SPEF2: variants seen among roughly 807,000 people sequenced by gnomAD.
The protein encoded by SPEF2 is sperm flagellar and cilia associated 2, also known as sperm flagella and cilia-associated protein 2.
A neutral mutation model predicts 224.6 loss-of-function variants in SPEF2; 187 were observed. That is an observed-to-expected ratio of 0.83 (90% CI 0.74 to 0.94). The LOEUF (loss-of-function observed/expected upper bound fraction) is 0.94. SPEF2 is among the 40% of genes least tolerant of loss of function. SPEF2 has a pLI of 0.00. For missense variants in SPEF2, 2,170 were observed against 2,135.6 expected, an observed-to-expected ratio of 1.02 and a Z score of -0.32; for synonymous variants, 715 against 707.3, an observed-to-expected ratio of 1.01 and a Z score of -0.17.
intron 21 of SPEF2, among the ~76,000 whole-genome samples, chr5:35,731,294 T>C (rs940367934): frequency 5.3e-5 from 8 of 152,174 alleles, no homozygotes; most frequent in African/African-American, 1.4e-4. Flanking sequence ...GAATCAGTCA[T>C]GAAGTCAATA....
At position 35,721,360 on chromosome 5, in the gene SPEF2, A is replaced by G. The variant is rs1352290562; in HGVS notation, c.2915-6315A>G. ...TTTCTAGTAGTTTCAGTTAACTCCT[A>G]TCAATTTTAACTTTAAGGTAAAGCT... On this transcript the variant is annotated intron_variant, in intron 20 of 36. Coordinates refer to ENST00000356031, the MANE Select transcript of SPEF2 (RefSeq NM_024867.4). Among the ~76,000 whole-genome samples the G allele has an allele frequency of 2.6e-5, 4 of 152,192 alleles. 1 individual carries two copies. The highest frequency in any genetic ancestry group is 4.4e-5 in the Non-Finnish European group (3 of 68,034).
rs115898419 is a variant in SPEF2 at position 35,712,799 on chromosome 5, G to A, written c.2840-13G>A. The A allele has an allele frequency of 0.022, 36,187 of 1,612,932 alleles. 714 individuals carry two copies. Among genetic ancestry groups the A allele is most frequent in the Middle Eastern group, 0.085 (517 of 6,048 alleles). ...AAATCATCAATGATTTTTGTGTGTC[G>A]AATTTTGTTTAGAAGCCCCGCATGG... On this transcript the variant is annotated splice_polypyrimidine_tract_variant and intron_variant, in intron 19 of 36. Transcript: ENST00000356031.
chr5:35,646,716 C>A lies in SPEF2; in HGVS notation c.635C>A (p.Ala212Glu), dbSNP rs779049489. The A allele has an allele frequency of 6.2e-7, 1 of 1,613,696 alleles. No homozygotes were observed. The highest frequency in any genetic ancestry group is 8.5e-7 in the Non-Finnish European group (1 of 1,179,810). Residue 212 changes from alanine (A) to glutamate (E), a missense_variant, in exon 5 of 37, where the codon GCA becomes GAA. Coordinates refer to ENST00000356031, the MANE Select transcript of SPEF2 (RefSeq NM_024867.4). ...RQNEIMAKIQ[A>E]AIIQIPKPAS... Reference sequence around the variant, plus strand: ...AATGAAATAATGGCCAAAATCCAAGCAGCTATTATACAGATTCCTAAACCT... The same window carrying A: ...AATGAAATAATGGCCAAAATCCAAGAAGCTATTATACAGATTCCTAAACCT...
chr5:35,632,491 A>G (rs1019301802), intron 2 of SPEF2, among the ~76,000 whole-genome samples: 1 of 152,158 alleles, frequency 6.6e-6, no homozygotes, highest in Non-Finnish European at 1.5e-5. Flanking sequence ...CTCCCTAGAC[A>G]TGTAGGAATT....
intron 2 of SPEF2, among the ~76,000 whole-genome samples, chr5:35,633,838 T>C (rs1237861695): frequency 2.0e-5 from 3 of 152,026 alleles, no homozygotes; most frequent in Admixed American, 2.0e-4. Flanking sequence ...AAGATTACAA[T>C]TAATATTTTA....
chr5:35,779,019 A>G (rs1753968660), intron 29 of SPEF2, 98 bp from the exon 30 acceptor site: 3 of 808,778 alleles, frequency 3.7e-6, no homozygotes, highest in Admixed American at 3.0e-5. Flanking sequence ...TAAGAGCTAT[A>G]TAATCTGTTT....
At chr5:35,748,360 A>G (rs377565351) in intron 23 of SPEF2, among the ~76,000 whole-genome samples, 2 of 152,162 alleles carry the variant, frequency 1.3e-5, no homozygotes, top group African/African-American at 4.8e-5. Flanking sequence ...ATTGGAACAA[A>G]AAAAATACAA....
At chr5:35,764,702 A>C (rs1476645291) in intron 26 of SPEF2, 2 of 456,024 alleles carry the variant, frequency 4.4e-6, no homozygotes, top group Non-Finnish European at 8.8e-6. Context: ...ACAGCAAACA[A>C]AATTTCCAAC....
intron 9 of SPEF2, 122 bp downstream of exon 9, chr5:35,667,381 A>G: frequency 1.1e-6 from 1 of 925,900 alleles, no homozygotes. Context: ...AAAGACTAAA[A>G]GGTGGGGTCC....
At position 35,779,296 on chromosome 5, in the gene SPEF2, T is replaced by C. The variant is rs773414999; in HGVS notation, c.4397T>C (p.Ile1466Thr). 18 of 1,613,676 alleles carry C rather than the reference T, an allele frequency of 1.1e-5. No individual in the cohort carries two copies. The highest frequency in any genetic ancestry group is 1.4e-5 in the Non-Finnish European group (17 of 1,179,846). The change falls in exon 30 of 37, where the codon ATT (isoleucine) becomes ACT (threonine). Residue 1466 changes from isoleucine (I) to threonine (T), a missense_variant. Transcript: ENST00000356031. Reference sequence around the variant, plus strand: ...AAGGAAGAAGATGGTACCCTGACCATTGAACAGCTTGACAGTCTTCGAGAT... The same window carrying C: ...AAGGAAGAAGATGGTACCCTGACCACTGAACAGCTTGACAGTCTTCGAGAT... ...VEKEEDGTLTIEQLDSLRDQF... is the reference protein window; with the variant it reads ...VEKEEDGTLTTEQLDSLRDQF...
chr5:35,685,301 A>G (rs1203834008), intron 10 of SPEF2, among the ~76,000 whole-genome samples: 1 of 152,116 alleles, frequency 6.6e-6, no homozygotes, highest in Non-Finnish European at 1.5e-5. Context: ...TTCAAAAAGT[A>G]TTTTCTTATC....
rs1351938986 is a variant in SPEF2 at position 35,771,602 on chromosome 5, C to T, written c.3802-7C>T. ...CATTAACTGAAATATTGCTGTTACGCAACCAGGTGGCTGCTGAAATTCATC... is the reference window on the plus strand; with the variant it reads ...CATTAACTGAAATATTGCTGTTACGTAACCAGGTGGCTGCTGAAATTCATC... On this transcript the variant is annotated splice_region_variant and splice_polypyrimidine_tract_variant and intron_variant, in intron 26 of 36. Coordinates refer to ENST00000356031, the MANE Select transcript of SPEF2 (RefSeq NM_024867.4). 1 of 1,588,048 alleles carries T rather than the reference C, an allele frequency of 6.3e-7. No individual in the cohort carries two copies. The highest frequency in any genetic ancestry group is 8.5e-7 in the Non-Finnish European group (1 of 1,173,402).
chr5:35,671,027 C>G, intron 10 of SPEF2: 1 of 985,290 alleles, frequency 1.0e-6, no homozygotes, highest in Non-Finnish European at 1.2e-6. Flanking sequence ...ACAATCATAG[C>G]TTTTGGATAG....
intron 26 of SPEF2, chr5:35,764,404 C>T (rs1248726915): frequency 5.5e-6 from 2 of 362,134 alleles, no homozygotes; most frequent in African/African-American, 4.3e-5. Context: ...GACTTCAAAG[C>T]TTATATCATT....
chr5:35,668,918 AT>A (rs1319228235), intron 9 of SPEF2, among the ~76,000 whole-genome samples: 1 of 152,108 alleles, frequency 6.6e-6, no homozygotes, highest in Non-Finnish European at 1.5e-5. Context: ...GAAACAGGTA[AT>A]TTTGGAGCTT....
At chr5:35,759,809 C>T (rs920514203) in intron 25 of SPEF2, 90 bp downstream of exon 25, 6 of 1,243,782 alleles carry the variant, frequency 4.8e-6, no homozygotes, top group Non-Finnish European at 6.4e-6. Context: ...AATCACACTC[C>T]TTTATCTGCA....
chr5:35,709,896 A>G (rs1193159949), intron 19 of SPEF2: 1 of 985,296 alleles, frequency 1.0e-6, no homozygotes, highest in Admixed American at 6.2e-5. Flanking sequence ...CTGTGCAGTT[A>G]CACCATGTCT....
intron 30 of SPEF2, among the ~76,000 whole-genome samples, chr5:35,784,366 G>A (rs1754795592): frequency 3.3e-5 from 5 of 152,194 alleles, no homozygotes; most frequent in South Asian, 2.1e-4. Flanking sequence ...CTGACCTCGC[G>A]ATCCGCCCGC....
intron 23 of SPEF2, among the ~76,000 whole-genome samples, chr5:35,751,094 C>CATATATATATATAT (rs1442886154): frequency 4.8e-5 from 1 of 20,878 alleles, no homozygotes; most frequent in Non-Finnish European, 1.1e-4. Context: ...CACACACACA[C>CATATATATATATAT]ACATATATAT....
Sources: gnomAD v4.1 joint callset for allele counts (sites outside exome capture counted in the v4.1 genomes callset) on GRCh38, gnomAD v4.1.1 for gene constraint, MANE v1.5 for transcripts, NCBI Gene and HGNC (gene_info 2026-07-23, HGNC 2026-07-21) for gene names.